TLK1: variants seen among roughly 807,000 people sequenced by gnomAD.
TLK1 encodes serine/threonine-protein kinase tousled-like 1.
TLK1 carries 24 observed loss-of-function variants against 105.3 expected under a neutral mutation model. The ratio of observed to expected loss-of-function variants is 0.23; its 90% CI spans 0.17 to 0.32. The LOEUF is 0.32. Ranked by LOEUF, TLK1 falls within the 10% of genes least tolerant of loss-of-function variation. The pLI, the probability that TLK1 is intolerant of heterozygous loss-of-function variation, is 1.00. For synonymous variants in TLK1, 321 were observed against 310.4 expected (o/e 1.03, Z -0.36); for missense variants, 558 against 910.5 (o/e 0.61, Z 4.98).
At chr2:171,168,248 T>A (rs1259474720) in intron 1 of TLK1, among the ~76,000 whole-genome samples, 1 of 152,138 alleles carries the variant, frequency 6.6e-6, no homozygotes, top group East Asian at 1.9e-4. Flanking sequence ...AAAAACTAAA[T>A]GCCAAATCTT....
chr2:171,148,879 T>TAAAA (rs745504391), intron 1 of TLK1, among the ~76,000 whole-genome samples: 1,632 of 103,788 alleles, frequency 0.016, 84 homozygotes, highest in African/African-American at 0.065. Flanking sequence ...GACTCTGTCT[T>TAAAA]AAAAAAAAAA....
rs943590512 is a variant in TLK1, at chr2:170,992,270, T to A, written c.*1510A>T. 6 of 152,154 alleles carry A rather than the reference T, an allele frequency of 3.9e-5. No individual in the cohort carries two copies. Among genetic ancestry groups the A allele is most frequent in the African/African-American group, 1.4e-4 (6 of 41,446 alleles). The allele number at this position is 152,154 out of a possible 1,614,324, so 9.4% of individuals were successfully genotyped here. ...GTCTATGTACAATGAAAAAACAAAA[T>A]GGCTTGCAACATCAGAAATACAGTT... On this transcript the variant is annotated 3_prime_UTR_variant, in exon 21 of 21. Transcript: ENST00000431350.
chr2:171,029,398 G>C (rs1330136805), intron 11 of TLK1, among the ~76,000 whole-genome samples: 1 of 152,210 alleles, frequency 6.6e-6, no homozygotes, highest in Non-Finnish European at 1.5e-5. Flanking sequence ...GGGAGGCTGA[G>C]GCAGGTGGAT....
intron 1 of TLK1, among the ~76,000 whole-genome samples, chr2:171,216,840 C>A (rs1371303887): frequency 1.3e-5 from 2 of 152,134 alleles, no homozygotes; most frequent in Non-Finnish European, 2.9e-5. Flanking sequence ...AGTTGCAAGA[C>A]AAGGCATGCC....
At chr2:171,188,333 GC>G (rs1693075476) in intron 1 of TLK1, among the ~76,000 whole-genome samples, 2 of 152,190 alleles carry the variant, frequency 1.3e-5, no homozygotes, top group African/African-American at 4.8e-5. Context: ...ACTTTGGGAG[GC>G]CAAGGCGGGT....
chr2:171,117,138 T>C (rs981334948), intron 2 of TLK1, among the ~76,000 whole-genome samples: 1 of 152,182 alleles, frequency 6.6e-6, no homozygotes, highest in Non-Finnish European at 1.5e-5. Context: ...GGGTGGGGAA[T>C]AGTTTAGAGA....
At chr2:171,050,293 G>T in intron 8 of TLK1, 119 bp from the exon 9 acceptor site, 10 of 577,032 alleles carry the variant, frequency 1.7e-5, no homozygotes, top group Admixed American at 3.8e-5. Context: ...AAATATCTGA[G>T]TATGATACGA....
chr2:171,003,947 T>G (rs1443277369), intron 18 of TLK1, among the ~76,000 whole-genome samples: 1 of 152,182 alleles, frequency 6.6e-6, no homozygotes, highest in African/African-American at 2.4e-5. Context: ...TACCTTTTTC[T>G]TAATTTTTTC....
chr2:171,023,821 T>A (rs1208007674), intron 12 of TLK1, among the ~76,000 whole-genome samples: 1 of 152,218 alleles, frequency 6.6e-6, no homozygotes, highest in Non-Finnish European at 1.5e-5. Context: ...CCACACCATC[T>A]TCTTCAACTC....
At chr2:171,150,231 C>T (rs10171850) in intron 1 of TLK1, among the ~76,000 whole-genome samples, 70,332 of 151,890 alleles carry the variant, frequency 0.46, 18,190 homozygotes, top group African/African-American at 0.71. Context: ...GCAACATTTA[C>T]CGAAAGCCCT....
At chr2:171,111,585 C>CAA (rs34969114) in intron 2 of TLK1, among the ~76,000 whole-genome samples, 56 of 113,908 alleles carry the variant, frequency 4.9e-4, no homozygotes, top group East Asian at 2.0e-3. Flanking sequence ...ATCCTGTATT[C>CAA]AAAAAAAAAA....
intron 3 of TLK1, among the ~76,000 whole-genome samples, chr2:171,079,071 C>T (rs866476287): frequency 6.6e-6 from 1 of 152,228 alleles, no homozygotes; most frequent in Non-Finnish European, 1.5e-5. Context: ...ACTGAAGCAG[C>T]TGGGTATTTT....
chr2:171,076,921 G>T (rs1688541864), intron 3 of TLK1, among the ~76,000 whole-genome samples: 1 of 142,942 alleles, frequency 7.0e-6, no homozygotes, highest in African/African-American at 2.9e-5. Context: ...TCAAAAAAAA[G>T]AAAGAAAGAA....
intron 1 of TLK1, among the ~76,000 whole-genome samples, chr2:171,195,759 G>C (rs1380575013): frequency 6.6e-6 from 1 of 151,772 alleles, no homozygotes; most frequent in Non-Finnish European, 1.5e-5. Context: ...GAGCTAAAAG[G>C]CATTGTAGGC....
At chr2:171,205,401 C>T (rs1357876264) in intron 1 of TLK1, among the ~76,000 whole-genome samples, 2 of 151,838 alleles carry the variant, frequency 1.3e-5, no homozygotes, top group South Asian at 2.1e-4. Context: ...GAGCTTACTG[C>T]AGCCTTGACT....
rs6734904 is a variant in TLK1, at chr2:171,143,799, G to A, written c.139+16491C>T. Among the ~76,000 whole-genome samples the A allele has an allele frequency of 4.9e-3, 747 of 151,852 alleles. 8 individuals are homozygous for A. The highest frequency in any genetic ancestry group is 0.017 in the African/African-American group (686 of 41,404). Reference sequence around the variant, plus strand: ...GAGGGAAAGAGGACAAAAGAGAAATGAGACCTATAGAAAACAAAACAAAGT... The same window carrying A: ...GAGGGAAAGAGGACAAAAGAGAAATAAGACCTATAGAAAACAAAACAAAGT... On this transcript the variant is annotated intron_variant, in intron 1 of 20. Coordinates refer to ENST00000431350, the MANE Select transcript of TLK1 (RefSeq NM_012290.5).
chr2:171,114,030 G>C (rs550376878), intron 2 of TLK1, among the ~76,000 whole-genome samples: 1 of 152,168 alleles, frequency 6.6e-6, no homozygotes, highest in Non-Finnish European at 1.5e-5. Context: ...ATTCCATCTT[G>C]CAATTACCAG....
In TLK1 at chr2:171,129,830, A is replaced by AATAACATAACATAACATAAC. The variant is rs3084410; in HGVS notation, c.140-11993_140-11974dup. Reference sequence around the variant, plus strand: ...AGCCTGGGATATAGATAGGTTACCAAATAACATAACATAACATAACATAAC... The same window carrying AATAACATAACATAACATAAC: ...AGCCTGGGATATAGATAGGTTACCAAATAACATAACATAACATAACATAACATAACATAACATAACATAAC... On this transcript the variant is annotated intron_variant, in intron 1 of 20. Transcript: ENST00000431350. Among the ~76,000 whole-genome samples, 956 of 142,662 alleles carry AATAACATAACATAACATAAC rather than the reference A, an allele frequency of 6.7e-3. 7 individuals are homozygous for AATAACATAACATAACATAAC. Among genetic ancestry groups the AATAACATAACATAACATAAC allele is most frequent in the Non-Finnish European group, 7.8e-3 (514 of 65,966 alleles). The allele number at this position is 142,662 out of a possible 152,430, so 93.6% of individuals were successfully genotyped here.
chr2:171,003,107 T>C (rs1057351040), intron 18 of TLK1, among the ~76,000 whole-genome samples: 3 of 151,496 alleles, frequency 2.0e-5, no homozygotes, highest in Admixed American at 6.6e-5. Context: ...ACCCCGTCTC[T>C]ACTAAAAATA....
Sources: allele counts gnomAD v4.1 joint callset (sites outside exome capture counted in the v4.1 genomes callset), GRCh38; gene constraint gnomAD v4.1.1; transcripts MANE v1.5; gene names NCBI Gene and HGNC (gene_info 2026-07-23, HGNC 2026-07-21).